Variants in TYR observed in about 807,000 individuals in gnomAD.
The protein encoded by TYR is tyrosinase, also known as LB24-AB.
Under a neutral mutation model 51.5 loss-of-function variants are expected in TYR, and 58 were observed. That is an observed-to-expected ratio of 1.13 (90% CI 0.91 to 1.40). TYR has a LOEUF of 1.40. Ranked by LOEUF, TYR falls within the 40% of genes most tolerant of loss-of-function variation. The pLI, the probability that TYR is intolerant of heterozygous loss-of-function variation, is 0.00. For missense variants in TYR, 732 were observed against 647.4 expected (o/e 1.13, Z -1.42); for synonymous variants, 263 against 235.2 (o/e 1.12, Z -1.08).
At chr11:89,227,630 T>G (rs1943993028) in intron 2 of TYR, among the ~76,000 whole-genome samples, 193 bp from the exon 3 acceptor site, 1 of 152,164 alleles carries the variant, frequency 6.6e-6, no homozygotes, top group Non-Finnish European at 1.5e-5. Context: ...TTGGGCCATT[T>G]AATTCCACAA....
intron 2 of TYR, among the ~76,000 whole-genome samples, chr11:89,211,167 C>T (rs1943749239): frequency 1.3e-5 from 2 of 152,170 alleles, no homozygotes; most frequent in African/African-American, 4.8e-5. Flanking sequence ...CACAGACTGG[C>T]AAATTGGATA....
intron 3 of TYR, among the ~76,000 whole-genome samples, chr11:89,246,396 A>G (rs1475516305): frequency 6.6e-6 from 1 of 152,192 alleles, no homozygotes; most frequent in Non-Finnish European, 1.5e-5. Context: ...ATAAACTATA[A>G]CACATTAACA....
intron 2 of TYR, among the ~76,000 whole-genome samples, chr11:89,196,959 C>A (rs1349092061): frequency 6.6e-6 from 1 of 152,072 alleles, no homozygotes; most frequent in Non-Finnish European, 1.5e-5. Flanking sequence ...GAAAAGCTCA[C>A]CATCAAGTGA....
At chr11:89,190,411 T>G (rs1262706005) in intron 1 of TYR, among the ~76,000 whole-genome samples, 1 of 152,156 alleles carries the variant, frequency 6.6e-6, no homozygotes, top group Non-Finnish European at 1.5e-5. Flanking sequence ...GTCTCAGTTT[T>G]TAACGAAATT....
In TYR at chr11:89,234,356, C is replaced by G. The variant is rs1285521204; in HGVS notation, c.1184+6386C>G. On this transcript the variant is annotated intron_variant, in intron 3 of 4. Coordinates refer to ENST00000263321, the MANE Select transcript of TYR (RefSeq NM_000372.5). ...TTTCTATCCAGACCACTAAAATTTT[C>G]TTCATATCAGCAGTAAGACTGTTTT... Among the ~76,000 whole-genome samples, 2 of 143,736 alleles carry G rather than the reference C, an allele frequency of 1.4e-5. 1 individual carries two copies. Among genetic ancestry groups the G allele is most frequent in the Non-Finnish European group, 3.0e-5 (2 of 66,704 alleles). The allele number at this position is 143,736 out of a possible 152,430, so 94.3% of individuals were successfully genotyped here.
rs752507698 is a variant in TYR, at chr11:89,177,924, C to A, written c.-30C>A. ...AATCTGTGACTCCAATTAGCCAGTT[C>A]CTGCAGACCTTGTGAGGACTAGAGG... On this transcript the variant is annotated 5_prime_UTR_variant, in exon 1 of 5. Coordinates refer to ENST00000263321, the MANE Select transcript of TYR (RefSeq NM_000372.5). 15 of 1,609,762 alleles carry A rather than the reference C, an allele frequency of 9.3e-6. No homozygotes were observed. In the South Asian group the frequency reaches 1.5e-4, roughly 17 times the overall value.
chr11:89,207,695 T>G (rs1466262762), intron 2 of TYR, among the ~76,000 whole-genome samples: 1 of 152,174 alleles, frequency 6.6e-6, no homozygotes, highest in Non-Finnish European at 1.5e-5. Flanking sequence ...TACATATATG[T>G]AAAAATTCTT....
chr11:89,183,510 T>C (rs1197191993), intron 1 of TYR, among the ~76,000 whole-genome samples: 1 of 152,118 alleles, frequency 6.6e-6, no homozygotes, highest in African/African-American at 2.4e-5. Context: ...CAGAATAATG[T>C]AGTGGAAAGA....
Position 89,236,964 on chromosome 11 carries a change from T to C in TYR, c.1184+8994T>C, listed in dbSNP as rs551738553. ...CAACTTGGCATTCAGTGACCTCAGGTCGGTATCCTGAAATCAGCCATGGTG... is the reference window on the plus strand; with the variant it reads ...CAACTTGGCATTCAGTGACCTCAGGCCGGTATCCTGAAATCAGCCATGGTG... On this transcript the variant is annotated intron_variant, in intron 3 of 4. Transcript: ENST00000263321. Among the ~76,000 whole-genome samples the C allele has an allele frequency of 2.6e-5, 4 of 152,224 alleles. No homozygotes were observed. The South Asian group carries it at 8.3e-4, about 32-fold the overall frequency.
intron 2 of TYR, among the ~76,000 whole-genome samples, chr11:89,224,705 C>A (rs1399053322): frequency 1.3e-5 from 2 of 152,188 alleles, no homozygotes; most frequent in East Asian, 3.9e-4. Context: ...TGAATTCATT[C>A]TCAATACAGT....
intron 4 of TYR, among the ~76,000 whole-genome samples, chr11:89,292,414 T>C (rs1204975929): frequency 6.6e-6 from 1 of 152,084 alleles, no homozygotes; most frequent in Non-Finnish European, 1.5e-5. Flanking sequence ...GGTATGATAA[T>C]AGAGGAAATG....
intron 2 of TYR, among the ~76,000 whole-genome samples, chr11:89,210,728 T>TTGTGGGG (rs760497655): frequency 7.2e-5 from 11 of 152,160 alleles, no homozygotes; most frequent in Non-Finnish European, 1.3e-4. Flanking sequence ...AAAGGTTGGG[T>TTGTGGGG]TACCCACAAA....
At chr11:89,195,920 T>C (rs553017634) in intron 2 of TYR, among the ~76,000 whole-genome samples, 102 of 151,990 alleles carry the variant, frequency 6.7e-4, no homozygotes, top group Non-Finnish European at 5.0e-4. Flanking sequence ...AATAGCACTG[T>C]TGGAGAATGG....
At chr11:89,190,753 G>C (rs1284213706) in intron 1 of TYR, among the ~76,000 whole-genome samples, 1 of 151,736 alleles carries the variant, frequency 6.6e-6, no homozygotes, top group African/African-American at 2.4e-5. Flanking sequence ...GTCCTGCAAG[G>C]TCCATTTATG....
chr11:89,209,078 T>A (rs1019745915), intron 2 of TYR, among the ~76,000 whole-genome samples: 8 of 152,268 alleles, frequency 5.3e-5, no homozygotes, highest in African/African-American at 1.9e-4. Flanking sequence ...TTCATCTCAT[T>A]GGGACTGGTC....
chr11:89,203,237 T>G lies in TYR; in HGVS notation c.1036+11819T>G, dbSNP rs144609693. 3.0e-3 allele frequency among the ~76,000 whole-genome samples: 459 copies of G among 152,296 alleles called. 2 individuals carry two copies. The highest frequency in any genetic ancestry group is 9.9e-3 in the African/African-American group (412 of 41,568). The stretch of plus-strand genomic sequence containing the variant: ...ATAGGGAACCTGATAGTCACATGGT[T>G]GATAACAACCATAGTTAAGTCTACT... On this transcript the variant is annotated intron_variant, in intron 2 of 4. Transcript: ENST00000263321.
intron 3 of TYR, among the ~76,000 whole-genome samples, chr11:89,249,260 C>T (rs1420424226): frequency 1.3e-5 from 2 of 151,784 alleles, no homozygotes; most frequent in Non-Finnish European, 2.9e-5. Flanking sequence ...AGTTTTAAAA[C>T]TTAATTATTT....
chr11:89,285,885 G>C (rs893279525), intron 4 of TYR, among the ~76,000 whole-genome samples: 1 of 151,750 alleles, frequency 6.6e-6, no homozygotes, highest in Non-Finnish European at 1.5e-5. Flanking sequence ...TGGGTAGGAG[G>C]TATTTAACAA....
At chr11:89,243,421 A>G (rs1944225109) in intron 3 of TYR, among the ~76,000 whole-genome samples, 1 of 152,174 alleles carries the variant, frequency 6.6e-6, no homozygotes, top group Admixed American at 6.6e-5. Flanking sequence ...TTGTCAGTGC[A>G]GCTTTCTCCA....
Sources: gnomAD v4.1 joint callset for allele counts (sites outside exome capture counted in the v4.1 genomes callset) on GRCh38, gnomAD v4.1.1 for gene constraint, MANE v1.5 for transcripts, NCBI Gene and HGNC (gene_info 2026-07-23, HGNC 2026-07-21) for gene names.